DCP1A: variants seen among roughly 807,000 people sequenced by gnomAD.
DCP1A encodes mRNA-decapping enzyme 1A.
A neutral mutation model predicts 58.0 loss-of-function variants in DCP1A; 20 were observed. The ratio of observed to expected loss-of-function variants is 0.34; its 90% confidence interval spans 0.24 to 0.50. The LOEUF is 0.50. Among genes scored for constraint, DCP1A ranks in the 20% least tolerant of loss-of-function variants. The pLI is 0.98. For synonymous variants in DCP1A, 285 were observed against 275.1 expected, an observed-to-expected ratio of 1.04 and a Z score of -0.36; for missense variants, 613 against 712.2, an observed-to-expected ratio of 0.86 and a Z score of 1.59.
chr3:53,287,650 C>G lies in DCP1A; in HGVS notation c.1679G>C (p.Ser560Thr). 6.2e-7 allele frequency: 1 copy of G among 1,610,686 alleles called. No homozygotes were observed. Among genetic ancestry groups the G allele is most frequent in the Non-Finnish European group, 8.5e-7 (1 of 1,177,032 alleles). ...GACTTCATGAAGTGTACTGAGGAAGCTGGAATCATTCTAGAAGAGATGGTA... is the reference window on the plus strand; with the variant it reads ...GACTTCATGAAGTGTACTGAGGAAGGTGGAATCATTCTAGAAGAGATGGTA... ...TLIHLIKNDS[S>T]FLSTLHEVYL... is the part of the protein sequence containing the mutation. The change falls in exon 10 of 10, where the codon AGC becomes ACC. Residue 560 changes from serine (S) to threonine (T), a missense_variant. Ser to Thr is a moderately conservative substitution (Grantham distance 58). Coordinates refer to ENST00000610213, the MANE Select transcript of DCP1A (RefSeq NM_018403.7).
At chr3:53,318,921 T>G (rs901224243) in intron 4 of DCP1A, among the ~76,000 whole-genome samples, 1 of 152,140 alleles carries the variant, frequency 6.6e-6, no homozygotes, top group Non-Finnish European at 1.5e-5. Flanking sequence ...TAAATCAGAG[T>G]TGCTGTATAT....
intron 6 of DCP1A, among the ~76,000 whole-genome samples, chr3:53,300,106 T>C (rs540345920): frequency 1.3e-5 from 2 of 152,184 alleles, no homozygotes; most frequent in East Asian, 1.9e-4. Flanking sequence ...GACCTCATGA[T>C]CTGCCTGTCT....
At chr3:53,329,871 A>C (rs1553691104) in intron 3 of DCP1A, among the ~76,000 whole-genome samples, 2 of 152,258 alleles carry the variant, frequency 1.3e-5, no homozygotes, top group African/African-American at 4.8e-5. Context: ...ACTTCCAGTA[A>C]AAAGATGCCG....
At position 53,292,230 on chromosome 3, in the gene DCP1A, G is replaced by A; in HGVS notation, c.1222C>T (p.Gln408Ter). 1 of 1,614,034 alleles carries A rather than the reference G, an allele frequency of 6.2e-7. No individual in the cohort carries two copies. Among genetic ancestry groups the A allele is most frequent in the Non-Finnish European group, 8.5e-7 (1 of 1,179,906 alleles). ...LRLTPQHDQI[Q>*]TQPLGKGAMV... ...GCACCTTTCCCAAGTGGTTGTGTCTGTATTTGGTCATGCTGTGGGGTCAAC... is the reference window on the plus strand; with the variant it reads ...GCACCTTTCCCAAGTGGTTGTGTCTATATTTGGTCATGCTGTGGGGTCAAC... Residue 408 changes from glutamine (Q) to a stop codon, truncating the protein, a stop_gained, in exon 7 of 10, where the codon CAG becomes TAG. Coordinates refer to ENST00000610213, the MANE Select transcript of DCP1A (RefSeq NM_018403.7). LOFTEE classifies it high-confidence loss of function.
chr3:53,301,035 C>T (rs1707299045), intron 6 of DCP1A, among the ~76,000 whole-genome samples: 1 of 152,152 alleles, frequency 6.6e-6, no homozygotes, highest in African/African-American at 2.4e-5. Flanking sequence ...TAATCCTTAA[C>T]TTCATGATTC....
chr3:53,292,889 TC>T, intron 6 of DCP1A, 62 bp from the exon 7 acceptor site: 3 of 1,504,212 alleles, frequency 2.0e-6, no homozygotes, highest in South Asian at 2.6e-5. Context: ...TAACCAAACT[TC>T]TTTTCCAGAA....
chr3:53,337,803 T>C (rs1205905031), intron 3 of DCP1A, among the ~76,000 whole-genome samples: 1 of 152,242 alleles, frequency 6.6e-6, no homozygotes, highest in Non-Finnish European at 1.5e-5. Flanking sequence ...AGACTTCCAC[T>C]GTCCAGTATG....
At chr3:53,334,086 A>C (rs2089067482) in intron 3 of DCP1A, among the ~76,000 whole-genome samples, 1 of 152,030 alleles carries the variant, frequency 6.6e-6, no homozygotes, top group Admixed American at 6.6e-5. Context: ...ATATAGAGAG[A>C]CCTTGTCTCT....
chr3:53,339,494 T>C (rs1575622929), intron 3 of DCP1A, among the ~76,000 whole-genome samples: 1 of 152,226 alleles, frequency 6.6e-6, no homozygotes, highest in East Asian at 1.9e-4. Flanking sequence ...TATAAAATAT[T>C]GACATTTTAA....
At chr3:53,300,521 T>C (rs145453517) in intron 6 of DCP1A, among the ~76,000 whole-genome samples, 55 of 152,176 alleles carry the variant, frequency 3.6e-4, no homozygotes, top group African/African-American at 1.2e-3. Flanking sequence ...TTCTATTTAG[T>C]AGAGATGGGG....
In DCP1A at chr3:53,311,229, TG is replaced by T. The variant is rs1458781756; in HGVS notation, c.510+1011del. 9.2e-5 allele frequency among the ~76,000 whole-genome samples: 14 copies of T among 152,352 alleles called. 1 individual carries two copies. In the East Asian group the frequency reaches 1.5e-3, roughly 17 times the overall value. On this transcript the variant is annotated intron_variant, in intron 5 of 9. Transcript: ENST00000610213. ...TTTTGGACAGTGCTTTTTCACATTT[TG>T]TTCCTTGAAGTTCTGGTGAGGTGAA...
At chr3:53,299,706 T>C (rs1553687193) in intron 6 of DCP1A, among the ~76,000 whole-genome samples, 4 of 152,256 alleles carry the variant, frequency 2.6e-5, no homozygotes, top group Non-Finnish European at 5.9e-5. Flanking sequence ...TTGACAGCAG[T>C]ACTTGCTCCT....
At chr3:53,323,962 T>G (rs1553690313) in intron 3 of DCP1A, among the ~76,000 whole-genome samples, 1 of 152,166 alleles carries the variant, frequency 6.6e-6, no homozygotes, top group African/African-American at 2.4e-5. Flanking sequence ...TAAGTGTATT[T>G]TCACAGGGAC....
chr3:53,346,102 A>C (rs1042351442), intron 1 of DCP1A, among the ~76,000 whole-genome samples: 4 of 152,208 alleles, frequency 2.6e-5, no homozygotes, highest in Non-Finnish European at 5.9e-5. Flanking sequence ...CTCTAGCCCC[A>C]AGTCTTCACC....
intron 3 of DCP1A, among the ~76,000 whole-genome samples, chr3:53,320,919 A>G (rs1399227691): frequency 6.6e-6 from 1 of 152,232 alleles, no homozygotes; most frequent in Non-Finnish European, 1.5e-5. Flanking sequence ...TTGTAATGAG[A>G]TCCTCTTTGC....
intron 4 of DCP1A, among the ~76,000 whole-genome samples, chr3:53,315,698 T>C (rs182816679): frequency 4.7e-4 from 71 of 150,966 alleles, no homozygotes; most frequent in African/African-American, 1.7e-3. Flanking sequence ...TTTTCCTACA[T>C]AGTTTCTCGT....
At position 53,285,729 on chromosome 3, in the gene DCP1A, G is replaced by A. The variant is rs1197516289; in HGVS notation, c.*1851C>T. ...ATTCGTCTGTTCACCGAAGCCCACT[G>A]AGACTACACTTGAGGTGCAATCACA... On this transcript the variant is annotated 3_prime_UTR_variant, in exon 10 of 10. Coordinates refer to ENST00000610213, the MANE Select transcript of DCP1A (RefSeq NM_018403.7). The A allele has an allele frequency of 3.3e-5, 5 of 150,644 alleles. No homozygotes were observed. The highest frequency in any genetic ancestry group is 1.2e-4 in the African/African-American group (5 of 40,906). 9.3% of individuals were successfully genotyped at this position (150,644 alleles called of 1,614,324 possible). A position where few individuals can be genotyped will look rare whatever the true frequency, so the allele number is the denominator to read the frequency against.
In DCP1A at chr3:53,343,681, G is replaced by A. The variant is rs542397048; in HGVS notation, c.176+1221C>T. On this transcript the variant is annotated intron_variant, in intron 2 of 9. Transcript: ENST00000610213. ...GGCTGGAGTGCAGTGGCACGACCTCGGCTCACTGCAAGCTCCGCCTCCTGG... is the reference window on the plus strand; with the variant it reads ...GGCTGGAGTGCAGTGGCACGACCTCAGCTCACTGCAAGCTCCGCCTCCTGG... 5.0e-4 allele frequency among the ~76,000 whole-genome samples: 76 copies of A among 152,190 alleles called. 1 individual carries two copies. The highest frequency in any genetic ancestry group is 3.8e-3 in the Admixed American group (58 of 15,286).
At chr3:53,343,611 T>C (rs1196351978) in intron 2 of DCP1A, among the ~76,000 whole-genome samples, 1 of 152,082 alleles carries the variant, frequency 6.6e-6, no homozygotes, top group Non-Finnish European at 1.5e-5. Flanking sequence ...CCTTTCCTAT[T>C]AATTTATTTA....
Sources: gnomAD v4.1 joint callset for allele counts (sites outside exome capture counted in the v4.1 genomes callset) on GRCh38, gnomAD v4.1.1 for gene constraint, MANE v1.5 for transcripts, NCBI Gene and HGNC (gene_info 2026-07-23, HGNC 2026-07-21) for gene names.